Variants in NTM observed in about 807,000 individuals in gnomAD.
NTM encodes IgLON family member 2.
In NTM, 13 loss-of-function variants were observed where a neutral mutation model predicts 42.1. That is an observed-to-expected ratio of 0.31 (90% CI 0.20 to 0.49). NTM has a LOEUF of 0.49. NTM is among the 20% of genes least tolerant of loss of function. The pLI, the probability that NTM is intolerant of heterozygous loss-of-function variation, is 0.99. For missense variants in NTM, 373 were observed against 452.8 expected (o/e 0.82, Z 1.60); for synonymous variants, 187 against 179.2 (o/e 1.04, Z -0.35).
At chr11:132,086,106 C>T (rs532035560) in intron 2 of NTM, among the ~76,000 whole-genome samples, 4 of 151,948 alleles carry the variant, frequency 2.6e-5, no homozygotes, top group East Asian at 1.9e-4. Flanking sequence ...GGGTGGATCA[C>T]GAGGTCAGGA....
At chr11:132,236,039 C>T (rs929674144) in intron 4 of NTM, among the ~76,000 whole-genome samples, 7 of 149,310 alleles carry the variant, frequency 4.7e-5, no homozygotes, top group East Asian at 1.9e-4. Context: ...TTGTATAACT[C>T]GCTTAATTCA....
At chr11:131,947,982 T>C (rs1211960759) in intron 2 of NTM, among the ~76,000 whole-genome samples, 1 of 152,144 alleles carries the variant, frequency 6.6e-6, no homozygotes, top group Non-Finnish European at 1.5e-5. Context: ...TTATTTTTAT[T>C]ATCAAATGGT....
At chr11:131,720,475 G>C (rs2078203363) in intron 1 of NTM, among the ~76,000 whole-genome samples, 1 of 152,166 alleles carries the variant, frequency 6.6e-6, no homozygotes, top group Non-Finnish European at 1.5e-5. Context: ...ACCTGGAAAA[G>C]TCATCCATTT....
chr11:131,839,999 G>A (rs2044027913), intron 1 of NTM, among the ~76,000 whole-genome samples: 1 of 152,190 alleles, frequency 6.6e-6, no homozygotes, highest in South Asian at 2.1e-4. Context: ...GGATGGACTT[G>A]CCATCAGCTG....
At chr11:131,780,897 C>A (rs929077241) in intron 1 of NTM, among the ~76,000 whole-genome samples, 1 of 152,002 alleles carries the variant, frequency 6.6e-6, no homozygotes, top group Admixed American at 6.6e-5. Flanking sequence ...GAACTAATAA[C>A]CATAAGGAAC....
intron 1 of NTM, among the ~76,000 whole-genome samples, chr11:131,665,081 G>A (rs1195384755): frequency 1.3e-5 from 2 of 152,088 alleles, no homozygotes; most frequent in African/African-American, 2.4e-5. Flanking sequence ...TTTGCCAGTG[G>A]CATTCACGCG....
intron 3 of NTM, among the ~76,000 whole-genome samples, chr11:132,175,389 C>T (rs535722914): frequency 1.3e-5 from 2 of 152,190 alleles, no homozygotes; most frequent in South Asian, 4.2e-4. Context: ...AGCATTAGCA[C>T]CCCAAATTTG....
intron 1 of NTM, among the ~76,000 whole-genome samples, chr11:131,517,861 T>C (rs968205513): frequency 6.6e-6 from 1 of 152,170 alleles, no homozygotes; most frequent in African/African-American, 2.4e-5. Context: ...ATACCCAATG[T>C]TGCATGGTCC....
chr11:131,795,093 C>T (rs1365557337), intron 1 of NTM: 1 of 564,380 alleles, frequency 1.8e-6, no homozygotes, highest in Non-Finnish European at 2.2e-6. Flanking sequence ...CTGTTCACAT[C>T]TTGTTTATTC....
chr11:131,862,976 G>A (rs937841324), intron 1 of NTM, among the ~76,000 whole-genome samples: 2 of 152,186 alleles, frequency 1.3e-5, no homozygotes, highest in Non-Finnish European at 2.9e-5. Context: ...TGTCTAAAAC[G>A]AGGAAGCTGA....
intron 2 of NTM, among the ~76,000 whole-genome samples, chr11:131,949,960 T>C (rs2060794355): frequency 6.6e-6 from 1 of 152,224 alleles, no homozygotes; most frequent in Non-Finnish European, 1.5e-5. Context: ...ATTATTCTGT[T>C]ATTGTTTTCC....
Position 132,336,552 on chromosome 11 carries a change from A to G in NTM, c.*1406A>G, listed in dbSNP as rs2095873720. The stretch of plus-strand genomic sequence containing the variant: ...CGTCAGTACCCACTTGCTTTAGCCC[A>G]TTATGGGAATCTCTGATGCCTTTGT... On this transcript the variant is annotated 3_prime_UTR_variant, in exon 9 of 9. Coordinates refer to ENST00000683400, the MANE Select transcript of NTM (RefSeq NM_001352005.2). 1.3e-5 allele frequency: 2 copies of G among 152,692 alleles called. No individual in the cohort carries two copies. The highest frequency in any genetic ancestry group is 4.1e-4 in the South Asian group (2 of 4,834). 9.5% of individuals were successfully genotyped at this position (152,692 alleles called of 1,614,324 possible). A position where few individuals can be genotyped will look rare whatever the true frequency, so the allele number is the denominator to read the frequency against.
chr11:132,038,584 T>TGC (rs918252918), intron 2 of NTM, among the ~76,000 whole-genome samples: 41 of 152,188 alleles, frequency 2.7e-4, no homozygotes, highest in African/African-American at 9.9e-4. Context: ...TGAGCAAGTG[T>TGC]GCGTGTGTAG....
chr11:132,234,709 CT>C (rs1446305389), intron 4 of NTM, among the ~76,000 whole-genome samples: 1 of 152,174 alleles, frequency 6.6e-6, no homozygotes, highest in African/African-American at 2.4e-5. Context: ...ATAGAGATTT[CT>C]TTTCTATTGA....
intron 1 of NTM, among the ~76,000 whole-genome samples, chr11:131,842,466 G>A (rs2044375333): frequency 3.3e-5 from 5 of 152,276 alleles, no homozygotes; most frequent in Admixed American, 1.3e-4. Flanking sequence ...AAAATGTGGT[G>A]TGGTAAATAG....
chr11:131,810,918 T>C (rs1374925898), intron 1 of NTM, among the ~76,000 whole-genome samples: 1 of 152,228 alleles, frequency 6.6e-6, no homozygotes, highest in Non-Finnish European at 1.5e-5. Context: ...CACTGGTGTG[T>C]TGCAGTCAGC....
intron 2 of NTM, among the ~76,000 whole-genome samples, chr11:132,031,060 A>C (rs570351652): frequency 2.6e-5 from 4 of 152,164 alleles, no homozygotes; most frequent in Admixed American, 6.5e-5. Context: ...TGCACATTGC[A>C]AGCCTCAATC....
At chr11:131,644,805 T>A (rs534769057) in intron 1 of NTM, among the ~76,000 whole-genome samples, 32 of 142,756 alleles carry the variant, frequency 2.2e-4, no homozygotes, top group East Asian at 1.4e-3. Flanking sequence ...AATTTAGTTT[T>A]GTTTTGTTTT....
At chr11:132,278,997 A>G (rs1001658879) in intron 4 of NTM, among the ~76,000 whole-genome samples, 1 of 152,138 alleles carries the variant, frequency 6.6e-6, no homozygotes, top group African/African-American at 2.4e-5. Context: ...CCCCTTTTGA[A>G]TATCTTACAG....
Sources: allele counts gnomAD v4.1 joint callset (sites outside exome capture counted in the v4.1 genomes callset), GRCh38; gene constraint gnomAD v4.1.1; transcripts MANE v1.5; gene names NCBI Gene and HGNC (gene_info 2026-07-23, HGNC 2026-07-21).